MECOM: variants seen among roughly 807,000 people sequenced by gnomAD.
MECOM encodes MDS1 and EVI1 complex locus.
A neutral mutation model predicts 116.3 loss-of-function variants in MECOM; 13 were observed. The observed-to-expected ratio is 0.11, with a 90% CI of 0.07 to 0.18. The LOEUF (loss-of-function observed/expected upper bound fraction) is 0.18, where lower values mean the gene tolerates loss of function less well. Among genes scored for constraint, MECOM ranks in the 10% least tolerant of loss-of-function variants. The probability of loss-of-function intolerance (pLI) is 1.00; values close to 1 mark genes in which losing one functional copy is unlikely to be tolerated. For missense variants in MECOM, 1,299 were observed against 1,509.0 expected (o/e 0.86, Z 2.31); for synonymous variants, 528 against 535.2 (o/e 0.99, Z 0.19).
rs557633097 is a variant in MECOM at position 169,146,143 on chromosome 3, TA to T, written c.376-2312del. On this transcript the variant is annotated intron_variant, in intron 2 of 16. Coordinates refer to ENST00000651503, the MANE Select transcript of MECOM (RefSeq NM_004991.4). ...AAGCTGTCAACCTCCAAAGATAGCT[TA>T]AAAAAAAACCGTTTAGGTAGACTTT... The T allele has an allele frequency of 6.0e-4, 502 of 838,368 alleles. 1 individual carries two copies. The highest frequency in any genetic ancestry group is 1.0e-3 in the Middle Eastern group (2 of 1,920). 51.9% of individuals were successfully genotyped at this position (838,368 alleles called of 1,614,324 possible). A position where few individuals can be genotyped will look rare whatever the true frequency, so the allele number is the denominator to read the frequency against.
At chr3:169,284,133 A>G (rs944593566) in intron 2 of MECOM, among the ~76,000 whole-genome samples, 8 of 152,140 alleles carry the variant, frequency 5.3e-5, no homozygotes, top group Admixed American at 5.2e-4. Context: ...GAGCTCTCCC[A>G]TCAAGACTCT....
chr3:169,336,700 G>A (rs926097515), intron 2 of MECOM, among the ~76,000 whole-genome samples: 15 of 152,036 alleles, frequency 9.9e-5, no homozygotes, highest in Non-Finnish European at 2.1e-4. Context: ...GCTGCTAAAT[G>A]AGAATGAACT....
At chr3:169,487,913 C>A (rs574395601) in intron 1 of MECOM, among the ~76,000 whole-genome samples, 1 of 152,112 alleles carries the variant, frequency 6.6e-6, no homozygotes, top group African/African-American at 2.4e-5. Flanking sequence ...ATGAAAAAAT[C>A]ATTATTCCCT....
chr3:169,640,782 C>G (rs1441151649), intron 1 of MECOM, among the ~76,000 whole-genome samples: 1 of 152,150 alleles, frequency 6.6e-6, no homozygotes, highest in Non-Finnish European at 1.5e-5. Context: ...TGTGCTCTGC[C>G]CCTAAATCCT....
At chr3:169,134,099 C>T (rs1414192864) in intron 3 of MECOM, 9 of 365,644 alleles carry the variant, frequency 2.5e-5, no homozygotes, top group Non-Finnish European at 4.6e-5. Flanking sequence ...CTTAGACACA[C>T]GTCAGGTCAT....
chr3:169,588,657 A>G (rs1342050842), intron 1 of MECOM, among the ~76,000 whole-genome samples: 2 of 152,158 alleles, frequency 1.3e-5, no homozygotes, highest in Non-Finnish European at 2.9e-5. Context: ...ACTGATGTCT[A>G]CGTTCATCTA....
intron 1 of MECOM, among the ~76,000 whole-genome samples, chr3:169,439,462 G>T (rs1447446554): frequency 1.3e-5 from 2 of 151,208 alleles, no homozygotes; most frequent in Non-Finnish European, 2.9e-5. Flanking sequence ...GTTAAAATAG[G>T]CCATAGACAT....
At chr3:169,417,672 G>A (rs375781538) in intron 1 of MECOM, among the ~76,000 whole-genome samples, 5,953 of 150,328 alleles carry the variant, frequency 0.04, 337 homozygotes, top group Admixed American at 0.17. Flanking sequence ...TGTTTATTGC[G>A]GCACTATTCA....
intron 2 of MECOM, among the ~76,000 whole-genome samples, chr3:169,346,138 G>A (rs937064967): frequency 6.6e-6 from 1 of 151,974 alleles, no homozygotes; most frequent in African/African-American, 2.4e-5. Flanking sequence ...AAGGTACAAT[G>A]TTTTCCATTC....
intron 1 of MECOM, among the ~76,000 whole-genome samples, chr3:169,516,903 A>G (rs1368127542): frequency 4.6e-5 from 7 of 152,210 alleles, no homozygotes; most frequent in Non-Finnish European, 1.0e-4. Flanking sequence ...AACCTAAGCA[A>G]CGACAATAAA....
chr3:169,329,923 G>A (rs1024346735), intron 2 of MECOM, among the ~76,000 whole-genome samples: 5 of 152,226 alleles, frequency 3.3e-5, no homozygotes, highest in Non-Finnish European at 7.3e-5. Flanking sequence ...CATGGCAAGG[G>A]CCATGATAGA....
At chr3:169,518,268 A>C (rs935372563) in intron 1 of MECOM, among the ~76,000 whole-genome samples, 1 of 151,990 alleles carries the variant, frequency 6.6e-6, no homozygotes, top group African/African-American at 2.4e-5. Context: ...CAAAAAAAAA[A>C]AGAAAAGAAA....
Position 169,115,875 on chromosome 3 carries a change from G to A in MECOM, c.1997C>T (p.Ala666Val). Residue 666 changes from alanine (A) to valine (V), a missense_variant, in exon 8 of 17, where the codon GCT becomes GTT. Around this residue, in one of 6 missense-constraint regions of MECOM, gnomAD observed 340 missense variants for 312.6 expected, o/e 1.09. Transcript: ENST00000651503. ...GAVNDSIKAI[A>V]SIAEKYFGST... ...ACCAAAGTATTTTTCAGCAATAGAAGCAATAGCCTTTATAGAATCATTCAC... is the reference window on the plus strand; with the variant it reads ...ACCAAAGTATTTTTCAGCAATAGAAACAATAGCCTTTATAGAATCATTCAC... 6.2e-7 allele frequency: 1 copy of A among 1,614,072 alleles called. No individual in the cohort carries two copies. The highest frequency in any genetic ancestry group is 8.5e-7 in the Non-Finnish European group (1 of 1,180,036).
chr3:169,481,274 G>T (rs1319973625), intron 1 of MECOM, among the ~76,000 whole-genome samples: 1 of 152,122 alleles, frequency 6.6e-6, no homozygotes, highest in Non-Finnish European at 1.5e-5. Flanking sequence ...CTGAGACAAT[G>T]TTGGGATTGG....
At chr3:169,414,432 C>A (rs1410077808) in intron 1 of MECOM, among the ~76,000 whole-genome samples, 1 of 152,092 alleles carries the variant, frequency 6.6e-6, no homozygotes. Flanking sequence ...GGGGAAAAAC[C>A]AGCACAAAAA....
At chr3:169,263,934 GA>G (rs1192647507) in intron 2 of MECOM, among the ~76,000 whole-genome samples, 30 of 146,460 alleles carry the variant, frequency 2.0e-4, no homozygotes, top group African/African-American at 5.5e-4. Context: ...ATTCCACAAG[GA>G]AAAAAAAAAC....
chr3:169,378,474 C>CGAGA (rs1731629484), intron 2 of MECOM, among the ~76,000 whole-genome samples: 3 of 27,476 alleles, frequency 1.1e-4, no homozygotes, highest in East Asian at 8.5e-4. Context: ...AGCAAGCAAG[C>CGAGA]AAGAAAGAGA....
chr3:169,539,629 A>G (rs1314078889), intron 1 of MECOM, among the ~76,000 whole-genome samples: 1 of 152,188 alleles, frequency 6.6e-6, no homozygotes, highest in Admixed American at 6.5e-5. Context: ...CACTATCCCC[A>G]GTGCAAAGAC....
At chr3:169,307,289 T>C (rs1459865141) in intron 2 of MECOM, among the ~76,000 whole-genome samples, 1 of 152,178 alleles carries the variant, frequency 6.6e-6, no homozygotes, top group East Asian at 1.9e-4. Flanking sequence ...CTTCAATAGC[T>C]TCTCCACACA....
Sources: allele counts gnomAD v4.1 joint callset (sites outside exome capture counted in the v4.1 genomes callset), GRCh38; gene constraint gnomAD v4.1.1; regional missense constraint gnomAD v4.1.1; transcripts MANE v1.5; gene names NCBI Gene and HGNC (gene_info 2026-07-23, HGNC 2026-07-21).